The following SCN11A variants were observed in gnomAD, a reference collection of about 807,000 sequenced individuals.
SCN11A encodes the protein sodium channel protein type 11 subunit alpha.
SCN11A carries 122 observed loss-of-function variants against 162.2 expected under a neutral mutation model. The ratio of observed to expected loss-of-function variants is 0.75; its 90% CI spans 0.65 to 0.87. The LOEUF is 0.87. SCN11A is among the 40% of genes least tolerant of loss of function. The probability of loss-of-function intolerance (pLI) is 0.00; values close to 1 mark genes in which losing one functional copy is unlikely to be tolerated. For missense variants in SCN11A, 2,015 were observed against 2,181.6 expected (o/e 0.92, Z 1.52); for synonymous variants, 758 against 751.5 (o/e 1.01, Z -0.14).
At chr3:38,961,918 T>A (rs1160827553) in intron 2 of SCN11A, among the ~76,000 whole-genome samples, 1 of 152,186 alleles carries the variant, frequency 6.6e-6, no homozygotes, top group Non-Finnish European at 1.5e-5. Flanking sequence ...TGCTTTTGGG[T>A]TTTTGGTCAT....
chr3:38,883,102 G>A (rs2065336728), intron 22 of SCN11A, 131 bp downstream of exon 22: 4 of 743,892 alleles, frequency 5.4e-6, no homozygotes, highest in Non-Finnish European at 6.5e-6. Context: ...TGCCCACTGC[G>A]GGAACCAGCA....
At chr3:38,885,190 T>C in intron 21 of SCN11A, 98 bp downstream of exon 21, 1 of 707,752 alleles carries the variant, frequency 1.4e-6, no homozygotes, top group Non-Finnish European at 2.5e-6. Context: ...CCAATAGAAG[T>C]AGAAAGATGA....
rs906258348 is a variant in SCN11A at position 38,847,328 on chromosome 3, G to T, written c.4742C>A (p.Thr1581Lys). ...GATAATGTAACTGACAAAGTAGGAT[G>T]TGGCTATGCCAGGGAGGTGGCAGTT... ...SENCHLPGIA[T>K]SYFVSYIIIS... is the part of the protein sequence containing the mutation. The change falls in exon 30 of 30, where the codon ACA becomes AAA. Residue 1581 changes from threonine to lysine, a missense_variant. Thr to Lys is a moderately conservative substitution (Grantham distance 78). Transcript: ENST00000302328. 1 of 1,614,102 alleles carries T rather than the reference G, an allele frequency of 6.2e-7. No individual in the cohort carries two copies. The highest frequency in any genetic ancestry group is 1.3e-5 in the African/African-American group (1 of 74,938).
At chr3:38,859,646 A>G (rs1428008102) in intron 28 of SCN11A, among the ~76,000 whole-genome samples, 1 of 152,186 alleles carries the variant, frequency 6.6e-6, no homozygotes, top group Non-Finnish European at 1.5e-5. Context: ...ATTATAACTG[A>G]GGAAATTATG....
intron 23 of SCN11A, among the ~76,000 whole-genome samples, chr3:38,876,707 G>A (rs1349130460): frequency 6.6e-6 from 1 of 151,880 alleles, no homozygotes; most frequent in African/African-American, 2.4e-5. Context: ...AATGATAGAT[G>A]TTGGCGTGGA....
chr3:39,021,756 C>T (rs1482919968), intron 2 of SCN11A, among the ~76,000 whole-genome samples: 3 of 152,034 alleles, frequency 2.0e-5, no homozygotes, highest in Non-Finnish European at 2.9e-5. Context: ...CACAATGATA[C>T]GACTCAGGTA....
chr3:39,036,917 T>G (rs1258732132), intron 1 of SCN11A, among the ~76,000 whole-genome samples: 4 of 152,158 alleles, frequency 2.6e-5, no homozygotes, highest in Non-Finnish European at 5.9e-5. Context: ...AGTATAGAAG[T>G]TCCCTCAAGA....
chr3:39,020,841 T>C (rs1395429797), intron 2 of SCN11A, among the ~76,000 whole-genome samples: 2 of 152,200 alleles, frequency 1.3e-5, no homozygotes, highest in Non-Finnish European at 2.9e-5. Context: ...GCAGTGGCTC[T>C]CAATTCTCAT....
chr3:38,951,035 G>A (rs2066605470), intron 4 of SCN11A, among the ~76,000 whole-genome samples: 2 of 152,228 alleles, frequency 1.3e-5, no homozygotes, highest in Admixed American at 1.3e-4. Flanking sequence ...CCTCTGCCTG[G>A]GCTCCCAATT....
intron 2 of SCN11A, among the ~76,000 whole-genome samples, chr3:38,983,784 A>G (rs182685247): frequency 6.6e-6 from 1 of 152,246 alleles, no homozygotes; most frequent in Admixed American, 6.5e-5. Flanking sequence ...TATTTAAAAA[A>G]CAAAAAACAC....
chr3:39,016,327 C>A (rs2031287582), intron 2 of SCN11A, among the ~76,000 whole-genome samples: 1 of 152,152 alleles, frequency 6.6e-6, no homozygotes. Flanking sequence ...CAGGGGTGAT[C>A]CCCCAGAGAA....
chr3:38,952,921 G>A (rs891070799), intron 4 of SCN11A, among the ~76,000 whole-genome samples: 4 of 152,352 alleles, frequency 2.6e-5, no homozygotes, highest in African/African-American at 9.6e-5. Flanking sequence ...AGCAGAGGGA[G>A]AGAGTGGGCA....
chr3:38,938,701 A>C (rs1372898978), intron 7 of SCN11A, among the ~76,000 whole-genome samples: 1 of 149,708 alleles, frequency 6.7e-6, no homozygotes, highest in African/African-American at 2.4e-5. Context: ...AGTAGCTGGG[A>C]TTACAGGCAT....
At chr3:38,892,121 A>G (rs2065510667) in intron 19 of SCN11A, among the ~76,000 whole-genome samples, 1 of 152,206 alleles carries the variant, frequency 6.6e-6, no homozygotes, top group African/African-American at 2.4e-5. Context: ...AAAGGCAGTG[A>G]TATGATATAT....
intron 9 of SCN11A, among the ~76,000 whole-genome samples, chr3:38,923,914 C>A (rs58972160): frequency 6.6e-6 from 1 of 152,136 alleles, no homozygotes; most frequent in South Asian, 2.1e-4. Flanking sequence ...GTGCAGCTGT[C>A]GGAGTCTCAG....
chr3:38,939,392 C>T (rs60938070), intron 7 of SCN11A, among the ~76,000 whole-genome samples: 5,804 of 151,526 alleles, frequency 0.038, 355 homozygotes, highest in African/African-American at 0.13. Context: ...AACATATGAA[C>T]AAAATGATAA....
At chr3:38,893,271 G>C (rs74777140) in intron 19 of SCN11A, among the ~76,000 whole-genome samples, 4,130 of 151,774 alleles carry the variant, frequency 0.027, 172 homozygotes, top group African/African-American at 0.09. Context: ...AGATAAAGAG[G>C]GACATTTTAT....
At chr3:38,976,873 G>A (rs1464325380) in intron 2 of SCN11A, among the ~76,000 whole-genome samples, 1 of 152,162 alleles carries the variant, frequency 6.6e-6, no homozygotes, top group Non-Finnish European at 1.5e-5. Flanking sequence ...CCATGTAGAC[G>A]CTCTGAATAA....
chr3:38,899,089 A>G lies in SCN11A; in HGVS notation c.2022+805T>C, dbSNP rs147032387. ...AACTGAATGAGGTGTCTTACTCTAT[A>G]GGCTTAAAAATCCTATCTGAAAAAA... is the stretch of plus-strand genomic sequence containing the variant. On this transcript the variant is annotated intron_variant, in intron 17 of 29. Transcript: ENST00000302328. Among the ~76,000 whole-genome samples, 7 of 152,262 alleles carry G rather than the reference A, an allele frequency of 4.6e-5. No homozygotes were observed. In the East Asian group the frequency reaches 1.4e-3, roughly 29 times the overall value.
Sources: allele counts gnomAD v4.1 joint callset (sites outside exome capture counted in the v4.1 genomes callset), GRCh38; gene constraint gnomAD v4.1.1; transcripts MANE v1.5; gene names NCBI Gene and HGNC (gene_info 2026-07-23, HGNC 2026-07-21).